The following PTPN9 variants were observed in gnomAD, a reference collection of about 807,000 sequenced individuals.
PTPN9 encodes the protein protein tyrosine phosphatase non-receptor type 9, also known as tyrosine-protein phosphatase non-receptor type 9.
A neutral mutation model predicts 69.8 loss-of-function variants in PTPN9; 26 were observed. That is an observed-to-expected ratio of 0.37 (90% CI 0.27 to 0.52). PTPN9 has a LOEUF of 0.52. Among genes scored for constraint, PTPN9 ranks in the 20% least tolerant of loss-of-function variants. The pLI, the probability that PTPN9 is intolerant of heterozygous loss-of-function variation, is 0.91. For synonymous variants in PTPN9, 274 were observed against 272.5 expected (o/e 1.01, Z -0.05); for missense variants, 549 against 740.3 (o/e 0.74, Z 3.00).
At position 75,473,250 on chromosome 15, in the gene PTPN9, A is replaced by AT. The variant is rs569963503; in HGVS notation, c.1208+438dup. On this transcript the variant is annotated intron_variant, in intron 10 of 12. Coordinates refer to ENST00000618819, the MANE Select transcript of PTPN9 (RefSeq NM_002833.4). ...TTTGCCCTGGCTTTCCTAATCCTCA[A>AT]TTTTTTTTTTTTTAATTGAGACAGA... Among the ~76,000 whole-genome samples the AT allele has an allele frequency of 1.3e-3, 194 of 146,372 alleles. 1 individual carries two copies. The highest frequency in any genetic ancestry group is 2.9e-3 in the Admixed American group (42 of 14,616).
intron 4 of PTPN9, among the ~76,000 whole-genome samples, chr15:75,520,032 A>C (rs561627325): frequency 1.3e-5 from 2 of 152,246 alleles, no homozygotes; most frequent in East Asian, 3.9e-4. Flanking sequence ...TGGGAGACAG[A>C]GGCAGGAGGA....
chr15:75,503,918 C>T (rs1325475380), intron 7 of PTPN9, among the ~76,000 whole-genome samples: 24 of 111,300 alleles, frequency 2.2e-4, no homozygotes, highest in South Asian at 8.4e-4. Context: ...GTCAGCCCCC[C>T]GCCCGGCCAG....
At chr15:75,539,562 T>G (rs1256660421) in intron 1 of PTPN9, among the ~76,000 whole-genome samples, 1 of 151,444 alleles carries the variant, frequency 6.6e-6, no homozygotes, top group Non-Finnish European at 1.5e-5. Context: ...CGCCTCAGCC[T>G]CCCAAAGTGC....
chr15:75,563,624 T>G (rs537799070), intron 1 of PTPN9, among the ~76,000 whole-genome samples: 205 of 152,360 alleles, frequency 1.3e-3, no homozygotes, highest in Non-Finnish European at 2.5e-3. Flanking sequence ...ATTTTCTTTA[T>G]GCAGTCAACT....
intron 1 of PTPN9, among the ~76,000 whole-genome samples, chr15:75,568,922 T>TA (rs2075137581): frequency 6.6e-6 from 1 of 152,092 alleles, no homozygotes; most frequent in African/African-American, 2.4e-5. Context: ...AAATCAGATA[T>TA]AAAAGGGCTG....
At chr15:75,568,613 C>T (rs905470941) in intron 1 of PTPN9, among the ~76,000 whole-genome samples, 5 of 151,040 alleles carry the variant, frequency 3.3e-5, no homozygotes, top group East Asian at 1.9e-4. Flanking sequence ...GGCTGGAAGA[C>T]TGCTTGAACA....
intron 4 of PTPN9, among the ~76,000 whole-genome samples, chr15:75,518,645 C>G (rs1200499005): frequency 1.3e-5 from 2 of 151,664 alleles, no homozygotes; most frequent in Non-Finnish European, 2.9e-5. Flanking sequence ...TGGTGAAGCC[C>G]CATTTCTACT....
intron 1 of PTPN9, among the ~76,000 whole-genome samples, chr15:75,543,013 C>G (rs1315531022): frequency 8.1e-6 from 1 of 123,454 alleles, no homozygotes; most frequent in Non-Finnish European, 1.6e-5. Context: ...CCCCACCCCA[C>G]GACAGTCCCC....
At chr15:75,559,353 T>TA (rs1567523605) in intron 1 of PTPN9, among the ~76,000 whole-genome samples, 2 of 152,214 alleles carry the variant, frequency 1.3e-5, no homozygotes, top group East Asian at 1.9e-4. Flanking sequence ...GGGGAAAAGA[T>TA]AGAGAAATCA....
intron 1 of PTPN9, among the ~76,000 whole-genome samples, chr15:75,537,753 CAAAAAAAAAAA>C (rs1164644727): frequency 2.6e-4 from 3 of 11,382 alleles, no homozygotes; most frequent in African/African-American, 1.4e-3. Context: ...GACTCCATCT[CAAAAAAAAAAA>C]AAAAAAAAAA....
At chr15:75,506,523 T>A (rs2074820478) in intron 6 of PTPN9, among the ~76,000 whole-genome samples, 1 of 152,050 alleles carries the variant, frequency 6.6e-6, no homozygotes, top group Admixed American at 6.6e-5. Context: ...TAACACTTTT[T>A]TTTTGAGACA....
intron 9 of PTPN9, 130 bp from the exon 10 acceptor site, chr15:75,473,897 AT>A: frequency 1.5e-6 from 1 of 685,096 alleles, no homozygotes; most frequent in Non-Finnish European, 2.6e-6. Context: ...ATCTTTCCAC[AT>A]CCCTGCTATT....
At chr15:75,473,191 G>A (rs1411143365) in intron 10 of PTPN9, among the ~76,000 whole-genome samples, 3 of 152,206 alleles carry the variant, frequency 2.0e-5, no homozygotes, top group South Asian at 2.1e-4. Context: ...CACCATACCC[G>A]GGTTGTGGAT....
intron 7 of PTPN9, among the ~76,000 whole-genome samples, chr15:75,501,888 T>C (rs1032677845): frequency 6.6e-6 from 1 of 152,200 alleles, no homozygotes; most frequent in Non-Finnish European, 1.5e-5. Context: ...CCAGGTGCGG[T>C]GGCTCACACC....
intron 8 of PTPN9, chr15:75,480,911 AGT>A (rs2074628606): frequency 4.1e-6 from 1 of 246,858 alleles, no homozygotes; most frequent in African/African-American, 2.7e-5. Flanking sequence ...GGAAGTGAGG[AGT>A]GTCTCTGCCT....
chr15:75,526,020 C>A (rs2074925981), intron 2 of PTPN9, among the ~76,000 whole-genome samples: 1 of 148,182 alleles, frequency 6.7e-6, no homozygotes, highest in African/African-American at 2.5e-5. Context: ...TTTTTTTAAA[C>A]AGTCTCACTC....
intron 1 of PTPN9, among the ~76,000 whole-genome samples, chr15:75,549,875 G>A (rs749887511): frequency 5.3e-5 from 8 of 152,088 alleles, no homozygotes; most frequent in Non-Finnish European, 7.3e-5. Flanking sequence ...TCGGGAGGCT[G>A]AGGTGGGAGG....
In PTPN9 at chr15:75,468,677, G is replaced by A; in HGVS notation, c.*92C>T. 9.1e-7 allele frequency: 1 copy of A among 1,101,050 alleles called. No individual in the cohort carries two copies. The highest frequency in any genetic ancestry group is 1.3e-6 in the Non-Finnish European group (1 of 745,568). 68.2% of individuals were successfully genotyped at this position (1,101,050 alleles called of 1,614,324 possible). On this transcript the variant is annotated 3_prime_UTR_variant, in exon 13 of 13. Transcript: ENST00000618819. ...GACACAAGAAAGAAGTTGATCCATG[G>A]CTTCAGCGTAACTGATGGCAACCTA... is the stretch of plus-strand genomic sequence containing the variant.
At chr15:75,480,034 TGAG>T (rs2074619593) in intron 8 of PTPN9, 120 bp from the exon 9 acceptor site, 3 of 663,646 alleles carry the variant, frequency 4.5e-6, no homozygotes, top group Admixed American at 3.2e-5. Context: ...GAGCAGAAAA[TGAG>T]GAGTGAAATG....
Sources: gnomAD v4.1 joint callset for allele counts (sites outside exome capture counted in the v4.1 genomes callset) on GRCh38, gnomAD v4.1.1 for gene constraint, MANE v1.5 for transcripts, NCBI Gene and HGNC (gene_info 2026-07-23, HGNC 2026-07-21) for gene names.